IGF2BP2: variants seen among roughly 807,000 people sequenced by gnomAD.
The protein encoded by IGF2BP2 is insulin-like growth factor 2 mRNA-binding protein 2.
Under a neutral mutation model 75.8 loss-of-function variants are expected in IGF2BP2, and 17 were observed. The observed-to-expected ratio is 0.22, with a 90% CI of 0.15 to 0.34. The LOEUF is 0.34. Among genes scored for constraint, IGF2BP2 ranks in the 10% least tolerant of loss-of-function variants. IGF2BP2 has a pLI of 1.00. For missense variants in IGF2BP2, 516 were observed against 772.4 expected, an observed-to-expected ratio of 0.67 and a Z score of 3.93; for synonymous variants, 288 against 295.6, an observed-to-expected ratio of 0.97 and a Z score of 0.26.
At chr3:185,793,874 A>G (rs1284422110) in intron 2 of IGF2BP2, among the ~76,000 whole-genome samples, 1 of 151,936 alleles carries the variant, frequency 6.6e-6, no homozygotes, top group Non-Finnish European at 1.5e-5. Context: ...CCTGGGGAGC[A>G]GTAAGGTAGG....
intron 9 of IGF2BP2, among the ~76,000 whole-genome samples, chr3:185,672,911 T>C (rs190474224): frequency 1.6e-4 from 24 of 152,290 alleles, no homozygotes; most frequent in African/African-American, 5.5e-4. Flanking sequence ...AGGCTCTTCC[T>C]GGGGATGGCA....
intron 2 of IGF2BP2, among the ~76,000 whole-genome samples, chr3:185,787,162 G>A (rs937740384): frequency 6.6e-6 from 1 of 152,152 alleles, no homozygotes. Flanking sequence ...TGTTTAATGG[G>A]TATAGAGTTT....
chr3:185,824,856 C>T lies in IGF2BP2; in HGVS notation c.105G>A (p.Leu35=). The part of the protein sequence containing the change: ...DRKLPLAGQV[L]LKSGYAFVDY... ...CCACGAAGGCGTAGCCGGACTTCAG[C>T]AGGACCTGTCCCGCCAGGGGCAGCT... The change falls in exon 1 of 16, where the codon CTG becomes CTA. Residue 35 remains leucine (L), a synonymous_variant. Transcript: ENST00000382199. 6.4e-7 allele frequency: 1 copy of T among 1,557,540 alleles called. No individual in the cohort carries two copies. The highest frequency in any genetic ancestry group is 8.7e-7 in the Non-Finnish European group (1 of 1,151,644).
intron 2 of IGF2BP2, among the ~76,000 whole-genome samples, chr3:185,739,226 AC>A (rs1729228393): frequency 6.6e-6 from 1 of 152,196 alleles, no homozygotes; most frequent in Non-Finnish European, 1.5e-5. Context: ...GTACTAGGTT[AC>A]AAGCCTCTAA....
chr3:185,736,973 T>C (rs891103248), intron 2 of IGF2BP2, among the ~76,000 whole-genome samples: 48 of 152,230 alleles, frequency 3.2e-4, no homozygotes, highest in Admixed American at 4.6e-4. Context: ...CTAAATGTCT[T>C]AGAAGGGCTT....
intron 13 of IGF2BP2, 59 bp downstream of exon 13, chr3:185,652,035 T>C: frequency 1.4e-6 from 2 of 1,391,832 alleles, no homozygotes; most frequent in South Asian, 2.6e-5. Flanking sequence ...TGAATGTGCC[T>C]CTGAGGTGGC....
Position 185,657,380 on chromosome 3 carries a change from T to C in IGF2BP2, c.1292A>G (p.Asn431Ser). ...HHSYPEQEIV[N>S]LFIPTQAVGA... ...CACAGCCTGGGTTGGGATGAAGAGA[T>C]TCACAATCTCCTGCTCTGGATACTG... is the stretch of plus-strand genomic sequence containing the variant. Residue 431 changes from asparagine (N) to serine (S), a missense_variant, in exon 12 of 16, where the codon AAT becomes AGT. Asn to Ser is a conservative substitution (Grantham distance 46, BLOSUM62 1). Around this residue, in one of 3 missense-constraint regions of IGF2BP2, gnomAD observed 129 missense variants for 230.5 expected, o/e 0.56. Transcript: ENST00000382199. 6.2e-7 allele frequency: 1 copy of C among 1,613,630 alleles called. No homozygotes were observed. Among genetic ancestry groups the C allele is most frequent in the Non-Finnish European group, 8.5e-7 (1 of 1,179,682 alleles).
intron 1 of IGF2BP2, among the ~76,000 whole-genome samples, chr3:185,823,934 T>C (rs1305768466): frequency 6.6e-6 from 1 of 151,808 alleles, no homozygotes; most frequent in African/African-American, 2.4e-5. Context: ...CCCGGTCGCC[T>C]CTTTCCCGGT....
chr3:185,804,085 C>T (rs1395412727), intron 2 of IGF2BP2, among the ~76,000 whole-genome samples: 1 of 152,008 alleles, frequency 6.6e-6, no homozygotes, highest in African/African-American at 2.4e-5. Flanking sequence ...GGTGAAACCC[C>T]GTGTCTACTA....
chr3:185,724,738 CTTTG>C (rs1039914443), intron 2 of IGF2BP2: 7 of 152,210 alleles, frequency 4.6e-5, no homozygotes, highest in Non-Finnish European at 7.3e-5. Context: ...ACAGTCTGGA[CTTTG>C]TTTGGTGCAT....
At position 185,672,588 on chromosome 3, in the gene IGF2BP2, C is replaced by T. The variant is rs761945044; in HGVS notation, c.1153G>A (p.Ala385Thr). 17 of 1,613,662 alleles carry T rather than the reference C, an allele frequency of 1.1e-5. No individual in the cohort carries two copies. Among genetic ancestry groups the T allele is most frequent in the Non-Finnish European group, 1.4e-5 (16 of 1,179,672 alleles). The change falls in exon 10 of 16, where the codon GCA becomes ACA. Residue 385 changes from alanine (A) to threonine (T), a missense_variant. By Grantham distance (58) the Ala-to-Thr change is moderately conservative (BLOSUM62 0). This residue lies in a region of IGF2BP2 where 75 missense variants were observed against 67.4 expected (regional missense o/e 1.11). Coordinates refer to ENST00000382199, the MANE Select transcript of IGF2BP2 (RefSeq NM_006548.6). Reference sequence around the variant, plus strand: ...GCGGGGGGAGCTCCGCGGGGCCCTGCTGGTGGAGATAGCACGGACAGTCCT... The same window carrying T: ...GCGGGGGGAGCTCCGCGGGGCCCTGTTGGTGGAGATAGCACGGACAGTCCT... ...STGLSVLSPP[A>T]GPRGAPPAAP...
chr3:185,745,000 TTATTTC>T (rs1251159907), intron 2 of IGF2BP2, among the ~76,000 whole-genome samples: 1 of 152,166 alleles, frequency 6.6e-6, no homozygotes, highest in African/African-American at 2.4e-5. Context: ...CAGAGGGCCT[TTATTTC>T]TATTTCACAG....
At chr3:185,760,200 G>GGAC (rs1732169909) in intron 2 of IGF2BP2, among the ~76,000 whole-genome samples, 2 of 152,062 alleles carry the variant, frequency 1.3e-5, no homozygotes, top group Non-Finnish European at 1.5e-5. Context: ...AGAAACTTAG[G>GGAC]GACTGCACAT....
intron 2 of IGF2BP2, among the ~76,000 whole-genome samples, chr3:185,816,573 C>A (rs150364555): frequency 2.6e-5 from 4 of 152,110 alleles, no homozygotes; most frequent in African/African-American, 9.7e-5. Flanking sequence ...TACAGTGGAG[C>A]GAGACTCAGG....
intron 2 of IGF2BP2, among the ~76,000 whole-genome samples, chr3:185,746,786 T>A (rs185320805): frequency 6.6e-6 from 1 of 152,352 alleles, no homozygotes; most frequent in Non-Finnish European, 1.5e-5. Context: ...CTGTAGAAGT[T>A]ATCGGAGCTA....
At chr3:185,759,141 T>C (rs1182516768) in intron 2 of IGF2BP2, among the ~76,000 whole-genome samples, 1 of 152,184 alleles carries the variant, frequency 6.6e-6, no homozygotes, top group East Asian at 1.9e-4. Flanking sequence ...ATATAACACC[T>C]GGGATACCAA....
At chr3:185,820,518 C>T (rs1429009767) in intron 2 of IGF2BP2, among the ~76,000 whole-genome samples, 1 of 151,968 alleles carries the variant, frequency 6.6e-6, no homozygotes, top group African/African-American at 2.4e-5. Flanking sequence ...GAATAATTTG[C>T]ATTTAATAAG....
intron 2 of IGF2BP2, among the ~76,000 whole-genome samples, chr3:185,786,684 T>G (rs986876688): frequency 1.3e-4 from 20 of 152,138 alleles, no homozygotes; most frequent in Admixed American, 9.8e-4. Context: ...ATAAACAGCC[T>G]TGTTGCTCAC....
intron 2 of IGF2BP2, among the ~76,000 whole-genome samples, chr3:185,698,886 C>T (rs566624338): frequency 7.9e-5 from 12 of 152,262 alleles, no homozygotes; most frequent in Admixed American, 5.2e-4. Flanking sequence ...GTGACCTTGG[C>T]GCACTGCAAC....
Sources: gnomAD v4.1 joint callset for allele counts (sites outside exome capture counted in the v4.1 genomes callset) on GRCh38, gnomAD v4.1.1 for gene constraint, gnomAD v4.1.1 regional missense constraint, MANE v1.5 for transcripts, NCBI Gene and HGNC (gene_info 2026-07-23, HGNC 2026-07-21) for gene names.